Variants in FOXN2 observed in about 807,000 individuals in gnomAD.
FOXN2 encodes forkhead box N2.
In FOXN2, 19 loss-of-function variants were observed where a neutral mutation model predicts 41.2. That is an observed-to-expected ratio of 0.46 (90% CI 0.32 to 0.68). The LOEUF is 0.68. Ranked by LOEUF, FOXN2 falls within the 30% of genes least tolerant of loss-of-function variation. The pLI is 0.03. For synonymous variants in FOXN2, 195 were observed against 176.8 expected (o/e 1.10, Z -0.82); for missense variants, 587 against 509.4 (o/e 1.15, Z -1.47).
rs1572791679 is a variant in FOXN2 at position 48,379,218 on chromosome 2, T to C, written c.*3775T>C. 1 of 152,676 alleles carries C rather than the reference T, an allele frequency of 6.5e-6. No individual in the cohort carries two copies. Among genetic ancestry groups the C allele is most frequent in the African/African-American group, 2.4e-5 (1 of 41,462 alleles). The allele number at this position is 152,676 out of a possible 1,614,324, so 9.5% of individuals were successfully genotyped here. On this transcript the variant is annotated 3_prime_UTR_variant, in exon 7 of 7. Transcript: ENST00000340553. Reference sequence around the variant, plus strand: ...TCTAATCTCTGATTATTAAAATGTTTATAAAGTTTATTTTTACCAAAGAGA... The same window carrying C: ...TCTAATCTCTGATTATTAAAATGTTCATAAAGTTTATTTTTACCAAAGAGA...
In FOXN2 at chr2:48,336,408, C is replaced by CAAAAA. The variant is rs375315237; in HGVS notation, c.-15+7713_-15+7717dup. On this transcript the variant is annotated intron_variant, in intron 2 of 6. Transcript: ENST00000340553. ...GGGTGACAGAGCAAGCCTCAGTTTC[C>CAAAAA]AAAAAAAAAAATATATATATATGTA... is the stretch of plus-strand genomic sequence containing the variant. 2.4e-3 allele frequency among the ~76,000 whole-genome samples: 278 copies of CAAAAA among 118,032 alleles called. 1 individual carries two copies. Among genetic ancestry groups the CAAAAA allele is most frequent in the Non-Finnish European group, 3.3e-3 (184 of 54,930 alleles). 77.4% of individuals were successfully genotyped at this position (118,032 alleles called of 152,430 possible). A position where few individuals can be genotyped will look rare whatever the true frequency, so the allele number is the denominator to read the frequency against.
At chr2:48,347,144 A>G (rs947440402) in intron 3 of FOXN2, among the ~76,000 whole-genome samples, 1 of 126,820 alleles carries the variant, frequency 7.9e-6, no homozygotes, top group Admixed American at 7.7e-5. Context: ...CTTGCTATTT[A>G]TTTGATTTTC....
At chr2:48,314,357 T>C (rs951678038), upstream of FOXN2, among the ~76,000 whole-genome samples, 5 of 152,204 alleles carry the variant, frequency 3.3e-5, no homozygotes, top group East Asian at 1.9e-4. Flanking sequence ...CGCTTTCCCC[T>C]GCCCTGCTCA....
intron 2 of FOXN2, among the ~76,000 whole-genome samples, chr2:48,338,095 T>G (rs1016867811): frequency 6.6e-6 from 1 of 152,190 alleles, no homozygotes; most frequent in Non-Finnish European, 1.5e-5. Context: ...TTTCAGAGAA[T>G]TGATACCCTA....
chr2:48,359,070 G>A lies in FOXN2; in HGVS notation c.561G>A (p.Trp187Ter). Residue 187 changes from tryptophan to a stop codon, truncating the protein, a stop_gained, in exon 4 of 7, where the codon TGG (tryptophan) becomes TGA (stop). Transcript: ENST00000340553. LOFTEE classifies it high-confidence loss of function. Reference protein sequence around the residue: ...HGKVNGKGSLWCVDPEYKPNL... With the variant: ...HGKVNGKGSL ...AGGTTAATGGAAAAGGTTCCTTATG[G>A]TGTGTTGATCCGGAATATAAACCCA... is the stretch of plus-strand genomic sequence containing the variant. 1 of 1,613,352 alleles carries A rather than the reference G, an allele frequency of 6.2e-7. No homozygotes were observed. Among genetic ancestry groups the A allele is most frequent in the South Asian group, 1.1e-5 (1 of 91,016 alleles).
chr2:48,326,413 A>T (rs1449611442), intron 1 of FOXN2, among the ~76,000 whole-genome samples: 1 of 152,222 alleles, frequency 6.6e-6, no homozygotes, highest in East Asian at 1.9e-4. Context: ...GGTCCCCTTG[A>T]TGGATTAAGC....
At chr2:48,332,091 A>G (rs1202228738) in intron 2 of FOXN2, among the ~76,000 whole-genome samples, 1 of 152,330 alleles carries the variant, frequency 6.6e-6, no homozygotes, top group South Asian at 2.1e-4. Flanking sequence ...GTTGGACACA[A>G]TGAATGTAAC....
At position 48,379,190 on chromosome 2, in the gene FOXN2, G is replaced by C. The variant is rs1191927772; in HGVS notation, c.*3747G>C. 1 of 152,536 alleles carries C rather than the reference G, an allele frequency of 6.6e-6. No homozygotes were observed. Among genetic ancestry groups the C allele is most frequent in the African/African-American group, 2.4e-5 (1 of 41,422 alleles). The allele number at this position is 152,536 out of a possible 1,614,324, so 9.4% of individuals were successfully genotyped here. On this transcript the variant is annotated 3_prime_UTR_variant, in exon 7 of 7. Coordinates refer to ENST00000340553, the MANE Select transcript of FOXN2 (RefSeq NM_002158.4). ...AACAACTTACAAATACTTAGTTTTT[G>C]TATCTAATCTCTGATTATTAAAATG...
rs1237033358 is a variant in FOXN2, at chr2:48,378,847, A to G, written c.*3404A>G. On this transcript the variant is annotated 3_prime_UTR_variant, in exon 7 of 7. Transcript: ENST00000340553. Reference sequence around the variant, plus strand: ...TTCTTAAAGCATATTCTTTGCATCTAACTGCCAGTGCCATTGTCAAAACTT... The same window carrying G: ...TTCTTAAAGCATATTCTTTGCATCTGACTGCCAGTGCCATTGTCAAAACTT... The G allele has an allele frequency of 1.3e-5, 2 of 152,468 alleles. No homozygotes were observed. Among genetic ancestry groups the G allele is most frequent in the Non-Finnish European group, 2.9e-5 (2 of 67,966 alleles). 9.4% of individuals were successfully genotyped at this position (152,468 alleles called of 1,614,324 possible). A position where few individuals can be genotyped will look rare whatever the true frequency, so the allele number is the denominator to read the frequency against.
At chr2:48,354,005 T>C (rs973571519) in intron 3 of FOXN2, among the ~76,000 whole-genome samples, 1 of 152,224 alleles carries the variant, frequency 6.6e-6, no homozygotes, top group African/African-American at 2.4e-5. Context: ...TCTTTTATAC[T>C]TTTAGAACTA....
intron 2 of FOXN2, among the ~76,000 whole-genome samples, chr2:48,341,629 G>T (rs1408701693): frequency 2.0e-5 from 3 of 152,206 alleles, no homozygotes; most frequent in Admixed American, 1.3e-4. Context: ...AATGCATAAA[G>T]ATTTGGAAAG....
chr2:48,327,672 C>G (rs1669769290), intron 1 of FOXN2, among the ~76,000 whole-genome samples: 1 of 152,026 alleles, frequency 6.6e-6, no homozygotes, highest in South Asian at 2.1e-4. Context: ...CTTGAACTCC[C>G]TACCTCAGGT....
chr2:48,358,976 T>C lies in FOXN2; in HGVS notation c.538-71T>C, dbSNP rs1384364646. 5 of 1,202,032 alleles carry C rather than the reference T, an allele frequency of 4.2e-6. No individual in the cohort carries two copies. In the African/African-American group the frequency reaches 6.1e-5, roughly 15 times the overall value. 74.5% of individuals were successfully genotyped at this position (1,202,032 alleles called of 1,614,324 possible). A position where few individuals can be genotyped will look rare whatever the true frequency, so the allele number is the denominator to read the frequency against. On this transcript the variant is annotated intron_variant, in intron 3 of 6. Coordinates refer to ENST00000340553, the MANE Select transcript of FOXN2 (RefSeq NM_002158.4). ...TAGAGATTATTTACCCCTGCACATT[T>C]ATTTAAAACATTTAGACGCTGACTG...
intron 2 of FOXN2, among the ~76,000 whole-genome samples, chr2:48,343,256 T>G (rs751621354): frequency 3.9e-5 from 6 of 152,164 alleles, no homozygotes; most frequent in East Asian, 1.9e-4. Context: ...TGAATTTCAG[T>G]TTTTTTTATT....
In FOXN2 at chr2:48,377,568, C is replaced by G. The variant is rs1673329409; in HGVS notation, c.*2125C>G. The G allele has an allele frequency of 6.6e-6, 1 of 151,962 alleles. No individual in the cohort carries two copies. The highest frequency in any genetic ancestry group is 6.6e-5 in the Admixed American group (1 of 15,254). The allele number at this position is 151,962 out of a possible 1,614,324, so 9.4% of individuals were successfully genotyped here. A position where few individuals can be genotyped will look rare whatever the true frequency, so the allele number is the denominator to read the frequency against. On this transcript the variant is annotated 3_prime_UTR_variant, in exon 7 of 7. Transcript: ENST00000340553. Reference sequence around the variant, plus strand: ...ATAGGGATCTTCAAAGTTATTTTGTCTTGATGTATGTAACAGTAATTCTTT... The same window carrying G: ...ATAGGGATCTTCAAAGTTATTTTGTGTTGATGTATGTAACAGTAATTCTTT...
chr2:48,314,303 T>A (rs1668739179), upstream of FOXN2, among the ~76,000 whole-genome samples: 1 of 152,190 alleles, frequency 6.6e-6, no homozygotes, highest in South Asian at 2.1e-4. Flanking sequence ...TCCGCCGCAC[T>A]CCTATAGGTC....
chr2:48,323,979 T>C (rs1209672616), intron 1 of FOXN2, among the ~76,000 whole-genome samples: 2 of 152,164 alleles, frequency 1.3e-5, no homozygotes, highest in Non-Finnish European at 2.9e-5. Context: ...CAAATGAATT[T>C]ACTGTTGACT....
At chr2:48,333,816 A>G (rs1670170088) in intron 2 of FOXN2, among the ~76,000 whole-genome samples, 1 of 152,132 alleles carries the variant, frequency 6.6e-6, no homozygotes, top group Non-Finnish European at 1.5e-5. Flanking sequence ...CTTTACTGTA[A>G]ATATACATTT....
chr2:48,370,752 G>T (rs924670751), intron 5 of FOXN2, among the ~76,000 whole-genome samples: 1 of 152,032 alleles, frequency 6.6e-6, no homozygotes, highest in African/African-American at 2.4e-5. Context: ...TCATTCTGTA[G>T]GTTGTCATTT....
Sources: gnomAD v4.1 joint callset for allele counts (sites outside exome capture counted in the v4.1 genomes callset) on GRCh38, gnomAD v4.1.1 for gene constraint, MANE v1.5 for transcripts, NCBI Gene and HGNC (gene_info 2026-07-23, HGNC 2026-07-21) for gene names.